The following SCN8A variants were observed in gnomAD, a reference collection of about 807,000 sequenced individuals.
The protein encoded by SCN8A is sodium channel protein type 8 subunit alpha.
In SCN8A, 30 loss-of-function variants were observed where a neutral mutation model predicts 184.1. That is an observed-to-expected ratio of 0.16 (90% CI 0.12 to 0.22). The LOEUF (loss-of-function observed/expected upper bound fraction) is 0.22, where lower values mean the gene tolerates loss of function less well. Ranked by LOEUF, SCN8A falls within the 10% of genes least tolerant of loss-of-function variation. SCN8A has a pLI of 1.00. For missense variants in SCN8A, 1,057 were observed against 2,498.9 expected (o/e 0.42, Z 12.30); for synonymous variants, 852 against 907.0 (o/e 0.94, Z 1.09).
intron 26 of SCN8A, among the ~76,000 whole-genome samples, chr12:51,801,865 G>A (rs1938564479): frequency 6.6e-6 from 1 of 152,076 alleles, no homozygotes; most frequent in East Asian, 1.9e-4. Flanking sequence ...GACCAGCCTG[G>A]CCAATATGGT....
In SCN8A at chr12:51,676,981, A is replaced by G. The variant is rs1212026202; in HGVS notation, c.277-7193A>G. ...ATTTCTCGAAGAAGCTTTCTCTTCT[A>G]TGATATTCTCCACCCCTGCATTGAG... On this transcript the variant is annotated intron_variant, in intron 2 of 26. Transcript: ENST00000627620. Among the ~76,000 whole-genome samples, 10 of 152,318 alleles carry G rather than the reference A, an allele frequency of 6.6e-5. No individual in the cohort carries two copies. The South Asian group carries it at 1.4e-3, about 22-fold the overall frequency.
At chr12:51,800,843 C>T (rs1011411705) in intron 26 of SCN8A, among the ~76,000 whole-genome samples, 14 of 152,158 alleles carry the variant, frequency 9.2e-5, no homozygotes, top group Admixed American at 7.9e-4. Flanking sequence ...CCGGAGGTCT[C>T]CTTGGGGAAG....
At position 51,643,423 on chromosome 12, in the gene SCN8A, CG is replaced by C. The variant is rs573132554; in HGVS notation, c.-54-19340del. 1.4e-3 allele frequency among the ~76,000 whole-genome samples: 216 copies of C among 152,264 alleles called. 1 individual carries two copies. Among genetic ancestry groups the C allele is most frequent in the Non-Finnish European group, 2.3e-3 (156 of 68,024 alleles). ...AGAGTGCCTGTATATATTATTATAACGTTCATAGGTATTACACCTGCTTTGC... is the reference window on the plus strand; with the variant it reads ...AGAGTGCCTGTATATATTATTATAACTTCATAGGTATTACACCTGCTTTGC... On this transcript the variant is annotated intron_variant, in intron 1 of 26. Coordinates refer to ENST00000627620, the MANE Select transcript of SCN8A (RefSeq NM_001330260.2).
At chr12:51,651,680 G>T (rs1940717920) in intron 1 of SCN8A, among the ~76,000 whole-genome samples, 1 of 152,218 alleles carries the variant, frequency 6.6e-6, no homozygotes, top group African/African-American at 2.4e-5. Context: ...GGAATTATGA[G>T]AGTACAATTC....
At chr12:51,718,623 A>G (rs1942003086) in intron 11 of SCN8A, among the ~76,000 whole-genome samples, 1 of 152,220 alleles carries the variant, frequency 6.6e-6, no homozygotes, top group African/African-American at 2.4e-5. Context: ...CTGACTGCTC[A>G]TTAGATCATG....
intron 2 of SCN8A, among the ~76,000 whole-genome samples, chr12:51,676,809 A>G (rs1941229841): frequency 6.6e-6 from 1 of 152,172 alleles, no homozygotes; most frequent in African/African-American, 2.4e-5. Flanking sequence ...CTAGGTGTTC[A>G]TTATAGCCAG....
intron 1 of SCN8A, among the ~76,000 whole-genome samples, chr12:51,645,033 G>A (rs1940540281): frequency 6.6e-6 from 1 of 151,706 alleles, no homozygotes. Flanking sequence ...GAGGTGGGGG[G>A]GTCAGCCCCC....
At chr12:51,777,531 A>T (rs189706612) in intron 20 of SCN8A, among the ~76,000 whole-genome samples, 274 of 152,280 alleles carry the variant, frequency 1.8e-3, no homozygotes, top group Non-Finnish European at 3.1e-3. Context: ...TGTTAGGATT[A>T]TCTCCAGGAG....
chr12:51,743,408 G>A (rs1166146289), intron 12 of SCN8A, among the ~76,000 whole-genome samples: 3 of 152,216 alleles, frequency 2.0e-5, no homozygotes, highest in Non-Finnish European at 4.4e-5. Flanking sequence ...CAATAATGCT[G>A]TGGTTTTTGC....
At chr12:51,703,432 C>T (rs1477294562) in intron 9 of SCN8A, among the ~76,000 whole-genome samples, 1 of 152,150 alleles carries the variant, frequency 6.6e-6, no homozygotes, top group African/African-American at 2.4e-5. Context: ...GCGTGAGCCA[C>T]CATTAGGGCT....
In SCN8A at chr12:51,687,169, CT is replaced by C; in HGVS notation, c.569del (p.Leu190TyrfsTer8). On this transcript the variant is annotated frameshift_variant, in exon 5 of 27. Coordinates refer to ENST00000627620, the MANE Select transcript of SCN8A (RefSeq NM_001330260.2). LOFTEE classifies it high-confidence loss of function. ...GAGGTTTCTGCATAGATGGCTTTAC[CT>C]TTTTACGGGACCCATGGAACTGGTT... ...ARGFCIDGFT[F>X]LRDPWNWLDF... 6.2e-7 allele frequency: 1 copy of C among 1,613,428 alleles called. No homozygotes were observed. Among genetic ancestry groups the C allele is most frequent in the Admixed American group, 1.7e-5 (1 of 59,964 alleles).
intron 12 of SCN8A, among the ~76,000 whole-genome samples, chr12:51,744,440 A>T (rs562826261): frequency 6.6e-6 from 1 of 152,234 alleles, no homozygotes; most frequent in Admixed American, 6.5e-5. Context: ...GGCCACCACC[A>T]CAAGTCATTC....
chr12:51,769,178 G>A lies in SCN8A; in HGVS notation c.3215G>A (p.Ser1072Asn). The A allele has an allele frequency of 6.2e-7, 1 of 1,613,560 alleles. No individual in the cohort carries two copies. Among genetic ancestry groups the A allele is most frequent in the Non-Finnish European group, 8.5e-7 (1 of 1,179,682 alleles). The change falls in exon 17 of 27, where the codon AGC (serine) becomes AAC (asparagine). Residue 1072 changes from serine to asparagine, a missense_variant. Physicochemically the swap from Ser to Asn is conservative, Grantham distance 46. This residue lies in a region of SCN8A where 178 missense variants were observed against 259.6 expected (regional missense o/e 0.69). Coordinates refer to ENST00000627620, the MANE Select transcript of SCN8A (RefSeq NM_001330260.2). ...AATGGCACAACCAGCGGCATTGGCA[G>A]CAGCGTGGAGAAGTACATCATTGAT... is the stretch of plus-strand genomic sequence containing the variant. Reference protein sequence around the residue: ...NGNGTTSGIGSSVEKYIIDED... With the variant: ...NGNGTTSGIGNSVEKYIIDED...
intron 1 of SCN8A, among the ~76,000 whole-genome samples, chr12:51,602,434 A>G (rs1292658752): frequency 2.0e-5 from 3 of 152,220 alleles, no homozygotes; most frequent in Non-Finnish European, 4.4e-5. Context: ...AATAGTGGCT[A>G]TCAAGGGTTG....
At chr12:51,596,314 C>G (rs956589531) in intron 1 of SCN8A, among the ~76,000 whole-genome samples, 1 of 152,106 alleles carries the variant, frequency 6.6e-6, no homozygotes, top group African/African-American at 2.4e-5. Flanking sequence ...TTCTATCAGT[C>G]GATTGAGAAG....
intron 1 of SCN8A, among the ~76,000 whole-genome samples, chr12:51,604,454 C>G (rs938938425): frequency 6.6e-6 from 1 of 152,016 alleles, no homozygotes; most frequent in African/African-American, 2.4e-5. Flanking sequence ...CAATACCACA[C>G]GGTCTCTTTT....
intron 1 of SCN8A, among the ~76,000 whole-genome samples, chr12:51,599,072 A>G (rs554224104): frequency 3.3e-5 from 5 of 152,184 alleles, no homozygotes; most frequent in Non-Finnish European, 7.4e-5. Flanking sequence ...ATAAAAGTGC[A>G]GGGGGAGACA....
chr12:51,667,187 A>G (rs7312570), intron 2 of SCN8A, among the ~76,000 whole-genome samples: 7,667 of 152,184 alleles, frequency 0.05, 262 homozygotes, highest in East Asian at 0.13. Flanking sequence ...TCTATTTCCT[A>G]TCTCCCTGCA....
At chr12:51,641,935 A>G (rs1431686060) in intron 1 of SCN8A, among the ~76,000 whole-genome samples, 1 of 152,254 alleles carries the variant, frequency 6.6e-6, no homozygotes, top group Non-Finnish European at 1.5e-5. Context: ...CTTAAAGAAC[A>G]ATGCAGATCT....
Sources: allele counts gnomAD v4.1 joint callset (sites outside exome capture counted in the v4.1 genomes callset), GRCh38; gene constraint gnomAD v4.1.1; regional missense constraint gnomAD v4.1.1; transcripts MANE v1.5; gene names NCBI Gene and HGNC (gene_info 2026-07-23, HGNC 2026-07-21).